The following DOCK8 variants were observed in gnomAD, a reference collection of about 807,000 sequenced individuals.
DOCK8 encodes the protein dedicator of cytokinesis protein 8.
In DOCK8, 141 loss-of-function variants were observed where a neutral mutation model predicts 245.6. The ratio of observed to expected loss-of-function variants is 0.57; its 90% CI spans 0.50 to 0.66. The LOEUF (loss-of-function observed/expected upper bound fraction) is 0.66. Ranked by LOEUF, DOCK8 falls within the 30% of genes least tolerant of loss-of-function variation. The pLI, the probability that DOCK8 is intolerant of heterozygous loss-of-function variation, is 0.00. For missense variants in DOCK8, 2,965 were observed against 2,603.4 expected (o/e 1.14, Z -3.02); for synonymous variants, 1,168 against 970.2 (o/e 1.20, Z -3.79).
At chr9:461,056 A>C (rs2057787361) in intron 46 of DOCK8, among the ~76,000 whole-genome samples, 1 of 152,262 alleles carries the variant, frequency 6.6e-6, no homozygotes, top group African/African-American at 2.4e-5. Flanking sequence ...ACAAAAGGCA[A>C]AACTTCATCA....
chr9:328,098 C>A lies in DOCK8; in HGVS notation c.971C>A (p.Ala324Asp), dbSNP rs752571540. 3.7e-6 allele frequency: 6 copies of A among 1,614,192 alleles called. No individual in the cohort carries two copies. The highest frequency in any genetic ancestry group is 5.1e-6 in the Non-Finnish European group (6 of 1,180,014). ...CTGCGAGCTCACACGCCTTCAGTGG[C>A]CGCATCAAGTCAGGCGAGATCTGCA... Reference protein sequence around the residue: ...GFLRAHTPSVAASSQARSAVF... With the variant: ...GFLRAHTPSVDASSQARSAVF... The change falls in exon 9 of 48, where the codon GCC becomes GAC. Residue 324 changes from alanine to aspartate, a missense_variant. Coordinates refer to ENST00000432829, the MANE Select transcript of DOCK8 (RefSeq NM_203447.4).
intron 33 of DOCK8, 45 bp from the exon 34 acceptor site, chr9:426,840 C>T (rs1401995784): frequency 1.0e-5 from 16 of 1,529,738 alleles, no homozygotes; most frequent in Non-Finnish European, 1.4e-5. Flanking sequence ...GGGAACCTGG[C>T]CAGGTTTGAC....
intron 23 of DOCK8, among the ~76,000 whole-genome samples, chr9:388,760 G>T (rs1276440049): frequency 2.6e-5 from 4 of 150,944 alleles, no homozygotes; most frequent in Non-Finnish European, 5.9e-5. Flanking sequence ...TCACCATGTT[G>T]ACCAGGCTCG....
At position 376,176 on chromosome 9, in the gene DOCK8, G is replaced by A. The variant is rs190271485; in HGVS notation, c.2110-34G>A. 333 of 1,461,648 alleles carry A rather than the reference G, an allele frequency of 2.3e-4. 1 individual carries two copies. In the African/African-American group the frequency reaches 3.9e-3, roughly 17 times the overall value. The allele number at this position is 1,461,648 out of a possible 1,614,324, so 90.5% of individuals were successfully genotyped here. A position where few individuals can be genotyped will look rare whatever the true frequency, so the allele number is the denominator to read the frequency against. On this transcript the variant is annotated intron_variant, in intron 18 of 47. Coordinates refer to ENST00000432829, the MANE Select transcript of DOCK8 (RefSeq NM_203447.4). ...TGTTAGTAATCAGAAAAGGGAATTG[G>A]ATTGCTAATCTTTTTTTTTTCTCTT...
intron 1 of DOCK8, among the ~76,000 whole-genome samples, chr9:267,642 T>C (rs2048067305): frequency 6.6e-6 from 1 of 152,372 alleles, no homozygotes; most frequent in South Asian, 2.1e-4. Context: ...ATTGTTATAC[T>C]GTTGTGTGTT....
intron 4 of DOCK8, among the ~76,000 whole-genome samples, chr9:301,731 A>T (rs1323258177): frequency 6.6e-6 from 1 of 152,220 alleles, no homozygotes; most frequent in Admixed American, 6.5e-5. Context: ...CCAAATCAAG[A>T]ATGCAATTCC....
chr9:261,997 GAGAAAGAAAGAA>G (rs149792134), intron 1 of DOCK8, among the ~76,000 whole-genome samples: 159 of 146,848 alleles, frequency 1.1e-3, no homozygotes, highest in East Asian at 5.7e-3. Context: ...AAGAAAGAAG[GAGAAAGAAAGAA>G]AGAAAGAAAG....
chr9:242,922 G>A (rs1283868433), intron 1 of DOCK8, among the ~76,000 whole-genome samples: 1 of 152,034 alleles, frequency 6.6e-6, no homozygotes, highest in Non-Finnish European at 1.5e-5. Flanking sequence ...ACCAGAGGTA[G>A]CCTTACAGCA....
intron 14 of DOCK8, among the ~76,000 whole-genome samples, chr9:343,426 T>G (rs907437904): frequency 2.6e-5 from 4 of 151,930 alleles, no homozygotes; most frequent in South Asian, 4.2e-4. Flanking sequence ...GCCCAGAAAT[T>G]CGAGGTTAGC....
At position 422,368 on chromosome 9, in the gene DOCK8, T is replaced by G. The variant is rs2056311023; in HGVS notation, c.4241+233T>G. Among the ~76,000 whole-genome samples, 3 of 152,288 alleles carry G rather than the reference T, an allele frequency of 2.0e-5. No individual in the cohort carries two copies. The South Asian group carries it at 6.2e-4, about 32-fold the overall frequency. ...ATAAGCATGTAAAGAAAACTAATAT[T>G]TCTTTAGCAACCTCAGATGGCTTAA... On this transcript the variant is annotated intron_variant, in intron 33 of 47. Transcript: ENST00000432829.
intron 29 of DOCK8, among the ~76,000 whole-genome samples, chr9:415,221 T>C (rs558493117): frequency 2.0e-5 from 3 of 152,368 alleles, no homozygotes; most frequent in African/African-American, 7.2e-5. Context: ...TAGTATGGAA[T>C]GAACTTTATA....
chr9:341,106 A>G (rs2130929936), intron 14 of DOCK8, among the ~76,000 whole-genome samples: 1 of 152,382 alleles, frequency 6.6e-6, no homozygotes, highest in East Asian at 1.9e-4. Flanking sequence ...TGCCAGCAGT[A>G]CAATAGCCAC....
At chr9:443,624 G>A in intron 43 of DOCK8, 108 bp downstream of exon 43, 3 of 878,164 alleles carry the variant, frequency 3.4e-6, no homozygotes, top group East Asian at 2.5e-5. Context: ...TCACTTAAAT[G>A]CAGTCAAACC....
chr9:400,906 CA>C (rs1198707597), intron 26 of DOCK8, among the ~76,000 whole-genome samples: 1 of 118,276 alleles, frequency 8.5e-6, no homozygotes, highest in East Asian at 3.9e-4. Flanking sequence ...CCCCCACTAC[CA>C]ACAGCTCCTT....
intron 1 of DOCK8, 66 bp downstream of exon 1, chr9:215,095 T>G (rs1156799773): frequency 7.2e-6 from 11 of 1,517,666 alleles, no homozygotes. Flanking sequence ...AAGCGGAGCT[T>G]CGCTGCAGGG....
intron 2 of DOCK8, among the ~76,000 whole-genome samples, chr9:282,312 A>G (rs2048621558): frequency 6.6e-6 from 1 of 151,628 alleles, no homozygotes; most frequent in South Asian, 2.1e-4. Context: ...CTCCCTGGAT[A>G]GTCTCTCCTG....
At chr9:270,020 C>T (rs912431266) in intron 1 of DOCK8, among the ~76,000 whole-genome samples, 1 of 152,212 alleles carries the variant, frequency 6.6e-6, no homozygotes, top group Non-Finnish European at 1.5e-5. Context: ...AGTTTCTCCA[C>T]ATCCTTGCAA....
At chr9:461,381 C>G (rs280228) in intron 46 of DOCK8, among the ~76,000 whole-genome samples, 1 of 151,982 alleles carries the variant, frequency 6.6e-6, no homozygotes, top group African/African-American at 2.4e-5. Flanking sequence ...CTCTATGTTT[C>G]TTAACCAATT....
intron 5 of DOCK8, among the ~76,000 whole-genome samples, chr9:311,666 C>T (rs987781851): frequency 2.6e-5 from 4 of 152,152 alleles, no homozygotes; most frequent in Non-Finnish European, 5.9e-5. Context: ...AAGCCAACAA[C>T]CGATAGGAAT....
Sources: allele counts gnomAD v4.1 joint callset (sites outside exome capture counted in the v4.1 genomes callset), GRCh38; gene constraint gnomAD v4.1.1; transcripts MANE v1.5; gene names NCBI Gene and HGNC (gene_info 2026-07-23, HGNC 2026-07-21).